The following TSHZ2 variants were observed in gnomAD, a reference collection of about 807,000 sequenced individuals.
TSHZ2 encodes the protein teashirt homolog 2.
A neutral mutation model predicts 74.4 loss-of-function variants in TSHZ2; 21 were observed. That is an observed-to-expected ratio of 0.28 (90% CI 0.20 to 0.41). The LOEUF is 0.41. Among genes scored for constraint, TSHZ2 ranks in the 10% least tolerant of loss-of-function variants. The probability of loss-of-function intolerance (pLI) is 1.00; values close to 1 mark genes in which losing one functional copy is unlikely to be tolerated. For missense variants in TSHZ2, 1,244 were observed against 1,293.5 expected (o/e 0.96, Z 0.59); for synonymous variants, 540 against 515.3 (o/e 1.05, Z -0.65).
chr20:53,327,369 G>T (rs1260112719), intron 2 of TSHZ2, among the ~76,000 whole-genome samples: 1 of 152,162 alleles, frequency 6.6e-6, no homozygotes, highest in Non-Finnish European at 1.5e-5. Flanking sequence ...GGTGCCTGTA[G>T]TCCCAGCTAC....
intron 1 of TSHZ2, among the ~76,000 whole-genome samples, chr20:53,084,130 C>T (rs1214095525): frequency 3.9e-5 from 6 of 151,994 alleles, no homozygotes; most frequent in African/African-American, 1.5e-4. Flanking sequence ...TTTTATAACC[C>T]AGGAAAAGTA....
At chr20:53,246,036 C>CTTTTTTTTTT (rs201257665) in intron 1 of TSHZ2, among the ~76,000 whole-genome samples, 124 of 126,720 alleles carry the variant, frequency 9.8e-4, no homozygotes, top group African/African-American at 3.6e-3. Flanking sequence ...TTCTTTCTTT[C>CTTTTTTTTTT]TTTCTTTTTT....
intron 1 of TSHZ2, 76 bp downstream of exon 1, chr20:52,973,409 C>G: frequency 6.5e-7 from 1 of 1,531,278 alleles, no homozygotes; most frequent in Non-Finnish European, 8.8e-7. Context: ...CCTGGGTGCC[C>G]GGGGGCACCA....
chr20:53,425,140 C>T (rs953819299), intron 2 of TSHZ2, among the ~76,000 whole-genome samples: 3 of 152,162 alleles, frequency 2.0e-5, no homozygotes, highest in Non-Finnish European at 4.4e-5. Context: ...GGAACCACCA[C>T]ACTATCTTCC....
At chr20:53,091,814 T>TTGGA (rs1411131260) in intron 1 of TSHZ2, among the ~76,000 whole-genome samples, 1 of 152,100 alleles carries the variant, frequency 6.6e-6, no homozygotes, top group Non-Finnish European at 1.5e-5. Flanking sequence ...GGCAGAGAGA[T>TTGGA]TGGAGGATCA....
At chr20:53,391,915 CG>C (rs1982273818) in intron 2 of TSHZ2, among the ~76,000 whole-genome samples, 1 of 152,000 alleles carries the variant, frequency 6.6e-6, no homozygotes, top group African/African-American at 2.4e-5. Flanking sequence ...TGCACTCCAG[CG>C]TGGGTGACAG....
chr20:53,431,374 T>G (rs1983843300), intron 2 of TSHZ2, among the ~76,000 whole-genome samples: 1 of 151,760 alleles, frequency 6.6e-6, no homozygotes, highest in African/African-American at 2.4e-5. Context: ...GAGGATCACT[T>G]GAACCCAGGA....
chr20:53,001,228 G>GTGTA (rs1283887323), intron 1 of TSHZ2, among the ~76,000 whole-genome samples: 1 of 143,382 alleles, frequency 7.0e-6, no homozygotes, highest in African/African-American at 2.7e-5. Context: ...GTGTGTGTGT[G>GTGTA]TGTGTGTGTG....
chr20:52,977,466 A>G (rs893370441), intron 1 of TSHZ2, among the ~76,000 whole-genome samples: 5 of 139,630 alleles, frequency 3.6e-5, no homozygotes, highest in African/African-American at 7.9e-5. Flanking sequence ...ACACACACAC[A>G]CACGCATGGA....
At chr20:53,182,229 A>C (rs1343538371) in intron 1 of TSHZ2, among the ~76,000 whole-genome samples, 27 of 65,568 alleles carry the variant, frequency 4.1e-4, no homozygotes, top group East Asian at 1.7e-3. Flanking sequence ...TTCCCTCTTG[A>C]CTCCCTCCTT....
rs118070840 is a variant in TSHZ2 at position 53,361,854 on chromosome 20, A to G, written c.*8+105283A>G. Among the ~76,000 whole-genome samples, 1,259 of 152,230 alleles carry G rather than the reference A, an allele frequency of 8.3e-3. 5 individuals are homozygous for G. Among genetic ancestry groups the G allele is most frequent in the Middle Eastern group, 0.014 (4 of 294 alleles). On this transcript the variant is annotated intron_variant, in intron 2 of 2. Coordinates refer to ENST00000371497, the MANE Select transcript of TSHZ2 (RefSeq NM_173485.6). ...TTCTAACTCTCTGAGCCATGCACAC[A>G]AAGCATCCTTCACATAGTTGGTTTT...
chr20:53,050,124 T>TATATGTGTATATATATATATATAC (rs1409158633), intron 1 of TSHZ2, among the ~76,000 whole-genome samples: 55 of 107,208 alleles, frequency 5.1e-4, no homozygotes, highest in South Asian at 8.7e-4. Flanking sequence ...TATATATATA[T>TATATGTGTATATATATATATATAC]ACACATATAT....
intron 1 of TSHZ2, among the ~76,000 whole-genome samples, chr20:53,111,392 A>G (rs894183397): frequency 6.6e-6 from 1 of 152,184 alleles, no homozygotes; most frequent in African/African-American, 2.4e-5. Context: ...TAAAATAACA[A>G]AAGTTTATTT....
At chr20:53,469,045 T>TTTTATATATATATATATATATATA (rs1415631017) in intron 2 of TSHZ2, among the ~76,000 whole-genome samples, 1 of 49,112 alleles carries the variant, frequency 2.0e-5, no homozygotes, top group Non-Finnish European at 4.2e-5. Flanking sequence ...AATCGATATT[T>TTTTATATATATATATATATATATA]TATATATATA....
intron 1 of TSHZ2, among the ~76,000 whole-genome samples, chr20:53,096,929 A>G (rs1986070167): frequency 6.8e-6 from 1 of 147,264 alleles, no homozygotes; most frequent in African/African-American, 2.7e-5. Flanking sequence ...AAACAAAACA[A>G]AAACAAAAAA....
In TSHZ2 at chr20:53,489,915, A is replaced by C. The variant is rs527304844; in HGVS notation, c.*2780A>C. Reference sequence around the variant, plus strand: ...TGGAGGAAAAAAACTAAATAACATAAACTCAGGAGAATGTCTTTACCCACC... The same window carrying C: ...TGGAGGAAAAAAACTAAATAACATACACTCAGGAGAATGTCTTTACCCACC... On this transcript the variant is annotated 3_prime_UTR_variant, in exon 3 of 3. Transcript: ENST00000371497. 1.3e-5 allele frequency: 2 copies of C among 152,372 alleles called. No individual in the cohort carries two copies. Among genetic ancestry groups the C allele is most frequent in the Admixed American group, 6.5e-5 (1 of 15,296 alleles). The allele number at this position is 152,372 out of a possible 1,614,324, so 9.4% of individuals were successfully genotyped here.
chr20:53,143,682 A>T (rs1455100978), intron 1 of TSHZ2, among the ~76,000 whole-genome samples: 1 of 152,004 alleles, frequency 6.6e-6, no homozygotes, highest in Non-Finnish European at 1.5e-5. Context: ...ACAGAGCAAG[A>T]CTCCGTCTCA....
intron 1 of TSHZ2, among the ~76,000 whole-genome samples, chr20:52,994,153 G>A (rs950610250): frequency 9.9e-5 from 15 of 152,074 alleles, no homozygotes; most frequent in African/African-American, 2.7e-4. Flanking sequence ...ATTGTTTTCC[G>A]GCCCCTGTGC....
intron 1 of TSHZ2, among the ~76,000 whole-genome samples, chr20:52,983,492 A>T (rs1423783737): frequency 6.6e-6 from 1 of 152,232 alleles, no homozygotes; most frequent in Non-Finnish European, 1.5e-5. Context: ...ATGAAACTGT[A>T]AAGAAATGAA....
Sources: gnomAD v4.1 joint callset for allele counts (sites outside exome capture counted in the v4.1 genomes callset) on GRCh38, gnomAD v4.1.1 for gene constraint, MANE v1.5 for transcripts, NCBI Gene and HGNC (gene_info 2026-07-23, HGNC 2026-07-21) for gene names.